DSG1: variants seen among roughly 807,000 people sequenced by gnomAD.
The protein encoded by DSG1 is desmoglein-1.
In DSG1, 39 loss-of-function variants were observed where a neutral mutation model predicts 97.5. That is an observed-to-expected ratio of 0.40 (90% CI 0.31 to 0.52). The LOEUF (loss-of-function observed/expected upper bound fraction) is 0.52. Among genes scored for constraint, DSG1 ranks in the 20% least tolerant of loss-of-function variants. DSG1 has a pLI of 0.53. For synonymous variants in DSG1, 475 were observed against 443.4 expected (o/e 1.07, Z -0.90); for missense variants, 1,311 against 1,295.4 (o/e 1.01, Z -0.18).
At position 31,328,724 on chromosome 18, in the gene DSG1, C is replaced by A. The variant is rs1170249899; in HGVS notation, c.372+380C>A. Among the ~76,000 whole-genome samples, 3 of 152,144 alleles carry A rather than the reference C, an allele frequency of 2.0e-5. No individual in the cohort carries two copies. In the South Asian group the frequency reaches 6.2e-4, roughly 32 times the overall value. ...CAGGACTGTTTTCTGAGCAAATATA[C>A]TTTATTATAAATTCAGTAAAGAATG... On this transcript the variant is annotated intron_variant, in intron 4 of 14. Transcript: ENST00000257192.
intron 11 of DSG1, among the ~76,000 whole-genome samples, chr18:31,341,209 A>C (rs2071786827): frequency 6.6e-6 from 1 of 152,258 alleles, no homozygotes; most frequent in African/African-American, 2.4e-5. Context: ...TGCAGTCTGC[A>C]CATTACAATT....
Position 31,318,194 on chromosome 18 carries a change from A to C in DSG1, c.-107A>C. The C allele has an allele frequency of 1.0e-6, 1 of 984,232 alleles. No homozygotes were observed. Among genetic ancestry groups the C allele is most frequent in the Admixed American group, 1.7e-5 (1 of 58,856 alleles). The allele number at this position is 984,232 out of a possible 1,614,324, so 61.0% of individuals were successfully genotyped here. A position where few individuals can be genotyped will look rare whatever the true frequency, so the allele number is the denominator to read the frequency against. Reference sequence around the variant, plus strand: ...TCAAAGCCTGCATGTAAGAACATCTACTGAGAAATTATTTTAATCAGACAC... The same window carrying C: ...TCAAAGCCTGCATGTAAGAACATCTCCTGAGAAATTATTTTAATCAGACAC... On this transcript the variant is annotated 5_prime_UTR_variant, in exon 1 of 15. Transcript: ENST00000257192.
chr18:31,333,566 T>C, intron 6 of DSG1, 23 bp from the exon 7 acceptor site: 1 of 1,613,622 alleles, frequency 6.2e-7, no homozygotes, highest in Non-Finnish European at 8.5e-7. Flanking sequence ...AAGTGTGATA[T>C]TGCCTGTAAT....
In DSG1 at chr18:31,346,226, C is replaced by T. The variant is rs371161126; in HGVS notation, c.2100+28C>T. Reference sequence around the variant, plus strand: ...AAGGTCCCTAGCCACATGCCTTTCTCGCCATCCATGTGCCTGCTGCTCTTC... The same window carrying T: ...AAGGTCCCTAGCCACATGCCTTTCTTGCCATCCATGTGCCTGCTGCTCTTC... On this transcript the variant is annotated intron_variant, in intron 14 of 14. Transcript: ENST00000257192. 4.7e-5 allele frequency: 74 copies of T among 1,573,840 alleles called. No homozygotes were observed. In the African/African-American group the frequency reaches 8.5e-4, roughly 18 times the overall value.
At chr18:31,326,507 A>T in intron 1 of DSG1, 74 bp from the exon 2 acceptor site, 1 of 1,171,622 alleles carries the variant, frequency 8.5e-7, no homozygotes, top group Non-Finnish European at 1.3e-6. Context: ...TGTTGTTTTT[A>T]AAGTAACTGG....
Position 31,355,267 on chromosome 18 carries a change from A to C in DSG1, c.3071A>C (p.Asn1024Thr), listed in dbSNP as rs2071946002. Residue 1024 changes from asparagine (N) to threonine (T), a missense_variant, in exon 15 of 15, where the codon AAC becomes ACC. Transcript: ENST00000257192. The stretch of plus-strand genomic sequence containing the variant: ...AGGAGTTCCTCTGACCATCACTTTA[A>C]CCAAACCATTGGGTCCGCCTCCCCT... Reference protein sequence around the residue: ...HMRSSSDHHFNQTIGSASPST... With the variant: ...HMRSSSDHHFTQTIGSASPST... The C allele has an allele frequency of 6.2e-7, 1 of 1,613,544 alleles. No homozygotes were observed. Among genetic ancestry groups the C allele is most frequent in the Non-Finnish European group, 8.5e-7 (1 of 1,179,638 alleles).
chr18:31,320,052 C>T (rs187750137), intron 1 of DSG1, among the ~76,000 whole-genome samples: 30 of 152,122 alleles, frequency 2.0e-4, no homozygotes, highest in South Asian at 1.0e-3. Context: ...TTCATTTTCA[C>T]GTTGACATCA....
In DSG1 at chr18:31,331,747, C is replaced by A. The variant is rs1486109586; in HGVS notation, c.564C>A (p.Asn188Lys). 1 of 1,612,700 alleles carries A rather than the reference C, an allele frequency of 6.2e-7. No individual in the cohort carries two copies. The highest frequency in any genetic ancestry group is 8.5e-7 in the Non-Finnish European group (1 of 1,179,182). ...ATGCTACTGACGCAGATGAACCGAA[C>A]AATTTGAACTCAAAAATAGCCTTCA... ...ILNATDADEP[N>K]NLNSKIAFKI... Residue 188 changes from asparagine to lysine, a missense_variant, in exon 6 of 15, where the codon AAC (asparagine) becomes AAA (lysine). This residue lies in a region of DSG1 where 259 missense variants were observed against 304.1 expected (regional missense o/e 0.85). Transcript: ENST00000257192.
At chr18:31,330,992 G>T (rs2071717247) in intron 5 of DSG1, among the ~76,000 whole-genome samples, 1 of 152,050 alleles carries the variant, frequency 6.6e-6, no homozygotes, top group African/African-American at 2.4e-5. Context: ...TTGGAGAGTA[G>T]AGAACAATTC....
At chr18:31,347,696 T>A (rs1184122895) in intron 14 of DSG1, 1 of 152,214 alleles carries the variant, frequency 6.6e-6, no homozygotes, top group Non-Finnish European at 1.5e-5. Flanking sequence ...AGAGATTATA[T>A]TTTTTAAAAG....
Position 31,355,579 on chromosome 18 carries a change from G to C in DSG1, c.*233G>C, listed in dbSNP as rs907108949. The stretch of plus-strand genomic sequence containing the variant: ...GACTAAGGAACTAAAACTTGAGGCA[G>C]AGTCTTCTTTGTGCCTGAGTGGCCT... On this transcript the variant is annotated 3_prime_UTR_variant, in exon 15 of 15. Transcript: ENST00000257192. 2 of 556,168 alleles carry C rather than the reference G, an allele frequency of 3.6e-6. No individual in the cohort carries two copies. The highest frequency in any genetic ancestry group is 6.4e-6 in the Non-Finnish European group (2 of 311,298). 34.5% of individuals were successfully genotyped at this position (556,168 alleles called of 1,614,324 possible).
At chr18:31,353,434 C>A (rs2071919459) in intron 14 of DSG1, among the ~76,000 whole-genome samples, 1 of 151,310 alleles carries the variant, frequency 6.6e-6, no homozygotes, top group Non-Finnish European at 1.5e-5. Flanking sequence ...TTTGTCTGTG[C>A]CCTGCCCCCA....
In DSG1 at chr18:31,358,670, GCCATGA is replaced by G. The variant is rs1193181430; in HGVS notation, c.*3326_*3331del. Among the ~76,000 whole-genome samples, 1 of 151,918 alleles carries G rather than the reference GCCATGA, an allele frequency of 6.6e-6. No homozygotes were observed. The highest frequency in any genetic ancestry group is 6.6e-5 in the Admixed American group (1 of 15,252). On this transcript the variant is annotated 3_prime_UTR_variant, in exon 15 of 15. Transcript: ENST00000257192. ...GGCATTATAATCTTTAGCATAAATG[GCCATGA>G]CTATTTTGGAAAGACATTTAAGACC...
chr18:31,326,765 A>G, intron 2 of DSG1, 109 bp from the exon 3 acceptor site: 1 of 1,432,428 alleles, frequency 7.0e-7, no homozygotes, highest in Non-Finnish European at 9.8e-7. Context: ...AATTTTCCCA[A>G]TTAAACATCC....
intron 5 of DSG1, among the ~76,000 whole-genome samples, chr18:31,330,346 C>A (rs1270169133): frequency 6.6e-6 from 1 of 152,076 alleles, no homozygotes; most frequent in Admixed American, 6.6e-5. Flanking sequence ...GCCTCCCAGT[C>A]TAACTGTGTA....
intron 14 of DSG1, among the ~76,000 whole-genome samples, chr18:31,348,237 T>G (rs965500040): frequency 3.3e-5 from 5 of 149,390 alleles, no homozygotes; most frequent in Non-Finnish European, 7.4e-5. Context: ...TTTGTTCTTG[T>G]GATAGTTTAC....
chr18:31,353,577 C>T (rs995942143), intron 14 of DSG1, among the ~76,000 whole-genome samples: 29 of 152,182 alleles, frequency 1.9e-4, no homozygotes, highest in Non-Finnish European at 3.5e-4. Context: ...GCCTCACTGC[C>T]GCTTTGCAGT....
chr18:31,330,602 T>C (rs1244167727), intron 5 of DSG1, among the ~76,000 whole-genome samples: 1 of 152,116 alleles, frequency 6.6e-6, no homozygotes, highest in African/African-American at 2.4e-5. Flanking sequence ...ATTTATGTAA[T>C]ATGGAAAGTA....
rs1224872933 is a variant in DSG1 at position 31,328,350 on chromosome 18, T to A, written c.372+6T>A. 6.2e-7 allele frequency: 1 copy of A among 1,610,830 alleles called. No individual in the cohort carries two copies. Among genetic ancestry groups the A allele is most frequent in the Non-Finnish European group, 8.5e-7 (1 of 1,177,314 alleles). ...AGGTCACTCCTTTCTTCATTGTAAG[T>A]GGACTTCATGTCAATATATATGTTC... is the stretch of plus-strand genomic sequence containing the variant. On this transcript the variant is annotated splice_donor_region_variant and intron_variant, in intron 4 of 14. Transcript: ENST00000257192.
Sources: allele counts gnomAD v4.1 joint callset (sites outside exome capture counted in the v4.1 genomes callset), GRCh38; gene constraint gnomAD v4.1.1; regional missense constraint gnomAD v4.1.1; transcripts MANE v1.5; gene names NCBI Gene and HGNC (gene_info 2026-07-23, HGNC 2026-07-21).